The following RBPMS2 variants were observed in gnomAD, a reference collection of about 807,000 sequenced individuals.
RBPMS2 encodes the protein RNA binding protein, mRNA processing factor 2.
Under a neutral mutation model 25.7 loss-of-function variants are expected in RBPMS2, and 14 were observed. The observed-to-expected ratio is 0.55, with a 90% confidence interval of 0.36 to 0.85. The LOEUF (loss-of-function observed/expected upper bound fraction) is 0.85. RBPMS2 is among the 40% of genes least tolerant of loss of function. The pLI is 0.01. For synonymous variants in RBPMS2, 127 were observed against 115.6 expected (o/e 1.10, Z -0.63); for missense variants, 252 against 283.4 (o/e 0.89, Z 0.80).
chr15:64,751,378 G>A (rs1049672418), intron 2 of RBPMS2, among the ~76,000 whole-genome samples, 183 bp downstream of exon 2: 1 of 151,912 alleles, frequency 6.6e-6, no homozygotes, highest in African/African-American at 2.4e-5. Flanking sequence ...TAACTGGCGA[G>A]GAAACAGAGG....
At chr15:64,752,391 A>T (rs957424901) in intron 1 of RBPMS2, among the ~76,000 whole-genome samples, 1 of 152,078 alleles carries the variant, frequency 6.6e-6, no homozygotes, top group Admixed American at 6.6e-5. Context: ...TGATTTCAAC[A>T]GAGGGCCCGG....
At chr15:64,759,344 C>T (rs998505083) in intron 1 of RBPMS2, among the ~76,000 whole-genome samples, 2 of 152,160 alleles carry the variant, frequency 1.3e-5, no homozygotes, top group African/African-American at 2.4e-5. Flanking sequence ...AGGAGCCTGC[C>T]CAGGCTGCCC....
At chr15:64,745,178 ATTTACT>A (rs2083607162) in intron 6 of RBPMS2, among the ~76,000 whole-genome samples, 1 of 152,120 alleles carries the variant, frequency 6.6e-6, no homozygotes, top group Non-Finnish European at 1.5e-5. Flanking sequence ...ATACCTATAG[ATTTACT>A]TATACACCTG....
At chr15:64,774,590 G>C (rs183927553) in intron 1 of RBPMS2, among the ~76,000 whole-genome samples, 150 of 150,464 alleles carry the variant, frequency 1.0e-3, no homozygotes, top group African/African-American at 3.5e-3. Context: ...GACAAACCCA[G>C]AGAGAGGAGA....
At chr15:64,749,248 G>C (rs1012739882) in intron 4 of RBPMS2, 98 bp from the exon 5 acceptor site, 7 of 1,463,974 alleles carry the variant, frequency 4.8e-6, no homozygotes, top group Non-Finnish European at 6.7e-6. Flanking sequence ...AGCTCGCCTC[G>C]AAGACCTGCC....
Position 64,741,010 on chromosome 15 carries a change from G to C in RBPMS2, c.*8-10C>G. Reference sequence around the variant, plus strand: ...TCCCCGGTGACCAGACCTGGAGGGAGGGAGAGAGGCGGCCGTGAGCAGAGG... The same window carrying C: ...TCCCCGGTGACCAGACCTGGAGGGACGGAGAGAGGCGGCCGTGAGCAGAGG... On this transcript the variant is annotated splice_polypyrimidine_tract_variant and intron_variant, in intron 7 of 7. Transcript: ENST00000300069. The C allele has an allele frequency of 1.7e-6, 1 of 573,772 alleles. No homozygotes were observed. The highest frequency in any genetic ancestry group is 3.1e-6 in the Non-Finnish European group (1 of 320,438). 35.5% of individuals were successfully genotyped at this position (573,772 alleles called of 1,614,324 possible).
At chr15:64,770,302 C>G (rs535819949) in intron 1 of RBPMS2, among the ~76,000 whole-genome samples, 2 of 152,212 alleles carry the variant, frequency 1.3e-5, no homozygotes, top group African/African-American at 4.8e-5. Flanking sequence ...ACTCTGGGTT[C>G]AAATCCCAAC....
chr15:64,769,894 T>C (rs1220150637), intron 1 of RBPMS2, among the ~76,000 whole-genome samples: 7 of 151,788 alleles, frequency 4.6e-5, no homozygotes, highest in Non-Finnish European at 8.8e-5. Context: ...TAATTGCAGA[T>C]ACCCGGCTGG....
At chr15:64,774,732 A>AGCCAGCCGGCCGGCCGGCCG (rs1555431929) in intron 1 of RBPMS2, among the ~76,000 whole-genome samples, 32 of 147,068 alleles carry the variant, frequency 2.2e-4, no homozygotes, top group Non-Finnish European at 1.4e-4. Flanking sequence ...GGAACCGAGG[A>AGCCAGCCGGCCGGCCGGCCG]GCCGGCCGGC....
At chr15:64,749,338 C>T in intron 4 of RBPMS2, 93 bp downstream of exon 4, 2 of 1,374,780 alleles carry the variant, frequency 1.5e-6, no homozygotes, top group South Asian at 2.3e-5. Context: ...GCCAAGGACT[C>T]TGCCCAGGGA....
At chr15:64,751,174 A>C (rs1364522662) in intron 2 of RBPMS2, among the ~76,000 whole-genome samples, 1 of 151,966 alleles carries the variant, frequency 6.6e-6, no homozygotes. Context: ...CTCTACTGAA[A>C]ACACAAATAT....
In RBPMS2 at chr15:64,740,925, C is replaced by T. The variant is rs1024231961; in HGVS notation, c.*83G>A. 6.7e-5 allele frequency: 30 copies of T among 447,144 alleles called. No individual in the cohort carries two copies. The highest frequency in any genetic ancestry group is 1.3e-3 in the Middle Eastern group (2 of 1,536). 27.7% of individuals were successfully genotyped at this position (447,144 alleles called of 1,614,324 possible). A position where few individuals can be genotyped will look rare whatever the true frequency, so the allele number is the denominator to read the frequency against. On this transcript the variant is annotated 3_prime_UTR_variant, in exon 8 of 8. Transcript: ENST00000300069. Reference sequence around the variant, plus strand: ...GGGCAGCAGCTCTGTGCAGGCCGCCCGGGGGCAGTGGGAACTCGGGGCGCC... The same window carrying T: ...GGGCAGCAGCTCTGTGCAGGCCGCCTGGGGGCAGTGGGAACTCGGGGCGCC...
chr15:64,766,911 G>A (rs2083851357), intron 1 of RBPMS2, among the ~76,000 whole-genome samples: 1 of 151,938 alleles, frequency 6.6e-6, no homozygotes. Context: ...GGCCTCCTGA[G>A]TAGCTGGGAT....
At chr15:64,741,656 T>G (rs557609951) in intron 6 of RBPMS2, among the ~76,000 whole-genome samples, 1 of 152,236 alleles carries the variant, frequency 6.6e-6, no homozygotes, top group Non-Finnish European at 1.5e-5. Context: ...TTTGACTTCT[T>G]TGGGTCTCAG....
At chr15:64,743,079 G>C (rs1039299387) in intron 6 of RBPMS2, among the ~76,000 whole-genome samples, 9 of 152,210 alleles carry the variant, frequency 5.9e-5, no homozygotes, top group African/African-American at 2.2e-4. Context: ...ACCAGCTCAG[G>C]GAGCCCCTTA....
chr15:64,762,380 C>A (rs757175605), intron 1 of RBPMS2: 1 of 533,996 alleles, frequency 1.9e-6, no homozygotes, highest in Non-Finnish European at 3.8e-6. Context: ...GCAGGCCCAG[C>A]CATCCCTACC....
rs141819956 is a variant in RBPMS2, at chr15:64,758,451, G to A, written c.88-6813C>T. 1.8e-4 allele frequency among the ~76,000 whole-genome samples: 28 copies of A among 152,368 alleles called. 1 individual carries two copies. The Middle Eastern group carries it at 0.014, about 74-fold the overall frequency. ...GGATGATTCTGAGAACTCAGTCAAA[G>A]ATACTTGTTGAGGAACAACCCTTCT... On this transcript the variant is annotated intron_variant, in intron 1 of 7. Transcript: ENST00000300069.
At chr15:64,751,072 C>CA (rs2083673944) in intron 2 of RBPMS2, among the ~76,000 whole-genome samples, 2 of 151,824 alleles carry the variant, frequency 1.3e-5, no homozygotes, top group South Asian at 4.2e-4. Context: ...CCGTGGCTCA[C>CA]ACCTGTAATC....
At chr15:64,767,359 CG>C (rs1470512712) in intron 1 of RBPMS2, among the ~76,000 whole-genome samples, 2 of 152,036 alleles carry the variant, frequency 1.3e-5, no homozygotes, top group Non-Finnish European at 2.9e-5. Context: ...CAGCCATGGG[CG>C]GAAGACAGAG....
Sources: allele counts gnomAD v4.1 joint callset (sites outside exome capture counted in the v4.1 genomes callset), GRCh38; gene constraint gnomAD v4.1.1; transcripts MANE v1.5; gene names NCBI Gene and HGNC (gene_info 2026-07-23, HGNC 2026-07-21).